TMCO1: variants seen among roughly 807,000 people sequenced by gnomAD.
The protein encoded by TMCO1 is transmembrane and coiled-coil domains 1.
TMCO1 carries 29 observed loss-of-function variants against 29.3 expected under a neutral mutation model. The ratio of observed to expected loss-of-function variants is 0.99; its 90% CI spans 0.74 to 1.35. TMCO1 has a LOEUF of 1.35. Among genes scored for constraint, TMCO1 ranks in the 40% most tolerant of loss-of-function variants. The pLI is 0.00. For missense variants in TMCO1, 173 were observed against 225.5 expected (o/e 0.77, Z 1.49); for synonymous variants, 80 against 77.1 (o/e 1.04, Z -0.20).
intron 2 of TMCO1, 117 bp from the exon 3 acceptor site, chr1:165,759,701 AT>A: frequency 1.2e-6 from 1 of 807,776 alleles, no homozygotes; most frequent in Non-Finnish European, 2.1e-6. Context: ...ACACTGACTG[AT>A]TATGGTCATG....
downstream of TMCO1, chr1:165,725,539 T>G (rs1271786260): frequency 2.2e-6 from 1 of 454,000 alleles, no homozygotes; most frequent in Non-Finnish European, 4.4e-6. Context: ...ATGCAGATAT[T>G]AGTAATGGCT....
At position 165,728,419 on chromosome 1, in the gene TMCO1, G is replaced by A. The variant is rs143342738; in HGVS notation, c.469-298C>T. Among the ~76,000 whole-genome samples, 184 of 152,014 alleles carry A rather than the reference G, an allele frequency of 1.2e-3. 1 individual carries two copies. Among genetic ancestry groups the A allele is most frequent in the African/African-American group, 4.2e-3 (174 of 41,458 alleles). On this transcript the variant is annotated intron_variant, in intron 6 of 6. Coordinates refer to ENST00000367881, the MANE Select transcript of TMCO1 (RefSeq NM_019026.6). The stretch of plus-strand genomic sequence containing the variant: ...CTACAGGTGCCCGCCACCACACCCG[G>A]CTAATTTTCTGTATATTTAGTAGAG...
At chr1:165,743,889 C>A (rs1173069322) in intron 5 of TMCO1, among the ~76,000 whole-genome samples, 1 of 147,286 alleles carries the variant, frequency 6.8e-6, no homozygotes, top group African/African-American at 2.5e-5. Context: ...GAGATGGAGT[C>A]TCGCTCTGTC....
chr1:165,756,346 C>T (rs1652191939), intron 3 of TMCO1, among the ~76,000 whole-genome samples: 3 of 152,052 alleles, frequency 2.0e-5, no homozygotes, highest in Admixed American at 2.0e-4. Context: ...GATCCCTGTC[C>T]AGCTTTTTCT....
At chr1:165,732,785 G>A (rs1022180279) in intron 6 of TMCO1, among the ~76,000 whole-genome samples, 7 of 151,992 alleles carry the variant, frequency 4.6e-5, no homozygotes, top group African/African-American at 1.7e-4. Flanking sequence ...AAAAAATAAG[G>A]TCTATAAAAG....
At chr1:165,726,240 T>TA, downstream of TMCO1, 1 of 699,654 alleles carries the variant, frequency 1.4e-6, no homozygotes, top group Non-Finnish European at 2.6e-6. Flanking sequence ...TACCATCCAT[T>TA]ATCAGACATC....
chr1:165,752,252 A>ATTTT (rs773982057), intron 4 of TMCO1, 83 bp from the exon 5 acceptor site: 35 of 428,074 alleles, frequency 8.2e-5, no homozygotes, highest in Middle Eastern at 5.9e-4. Context: ...GTTTCATGTC[A>ATTTT]TTTTTTTTTT....
intron 2 of TMCO1, among the ~76,000 whole-genome samples, chr1:165,764,570 A>G (rs1652504595): frequency 6.6e-6 from 1 of 152,168 alleles, no homozygotes; most frequent in Admixed American, 6.5e-5. Context: ...AGGTAGGAGG[A>G]ACAACAGATA....
At chr1:165,737,504 C>A (rs1651434782) in intron 6 of TMCO1, among the ~76,000 whole-genome samples, 1 of 152,068 alleles carries the variant, frequency 6.6e-6, no homozygotes, top group South Asian at 2.1e-4. Flanking sequence ...TTAATGAAAA[C>A]CATAAGTCCT....
downstream of TMCO1, chr1:165,726,632 T>C (rs1181498703): frequency 2.2e-6 from 1 of 455,208 alleles, no homozygotes; most frequent in Non-Finnish European, 4.4e-6. Flanking sequence ...CTTGGGATAA[T>C]CCTTAAATTA....
intron 2 of TMCO1, among the ~76,000 whole-genome samples, chr1:165,766,356 T>G (rs903536692): frequency 2.0e-5 from 3 of 152,142 alleles, no homozygotes; most frequent in Non-Finnish European, 4.4e-5. Context: ...GCCACAGACA[T>G]AAATTTGGGA....
rs766948013 is a variant in TMCO1, at chr1:165,726,921, A to T, written c.*1102T>A. 2.2e-6 allele frequency: 1 copy of T among 454,090 alleles called. No individual in the cohort carries two copies. The highest frequency in any genetic ancestry group is 1.6e-5 in the South Asian group (1 of 64,472). The allele number at this position is 454,090 out of a possible 1,614,324, so 28.1% of individuals were successfully genotyped here. ...GTCTTCTGGACTTTATGGTGCTGAT[A>T]AGAAAGAAGTTTGCTGTTGGTTTAA... is the stretch of plus-strand genomic sequence containing the variant. On this transcript the variant is annotated 3_prime_UTR_variant, in exon 7 of 7. Transcript: ENST00000367881.
At chr1:165,739,010 C>T (rs1651487859) in intron 6 of TMCO1, among the ~76,000 whole-genome samples, 1 of 152,268 alleles carries the variant, frequency 6.6e-6, no homozygotes, top group Non-Finnish European at 1.5e-5. Flanking sequence ...CCTCACTAGA[C>T]ACTGAATTTG....
In TMCO1 at chr1:165,727,860, G is replaced by T; in HGVS notation, c.*163C>A. ...GACCAAAAGCACTATCAAGTTTGCT[G>T]GCTGCCATTTTCACTCTAATCATAC... is the stretch of plus-strand genomic sequence containing the variant. On this transcript the variant is annotated 3_prime_UTR_variant, in exon 7 of 7. Transcript: ENST00000367881. 1.7e-6 allele frequency: 1 copy of T among 571,540 alleles called. No homozygotes were observed. The allele number at this position is 571,540 out of a possible 1,614,324, so 35.4% of individuals were successfully genotyped here.
intron 5 of TMCO1, among the ~76,000 whole-genome samples, chr1:165,749,316 C>T (rs1005317753): frequency 6.6e-6 from 1 of 151,762 alleles, no homozygotes; most frequent in Non-Finnish European, 1.5e-5. Flanking sequence ...GTATATGATT[C>T]TGATGCACAT....
intron 1 of TMCO1, 64 bp downstream of exon 1, chr1:165,768,618 C>T: frequency 6.2e-7 from 1 of 1,612,792 alleles, no homozygotes; most frequent in Non-Finnish European, 8.5e-7. Context: ...CCTGGTGGCA[C>T]AGGGGACCCC....
chr1:165,757,019 A>T (rs1652215371), intron 3 of TMCO1, among the ~76,000 whole-genome samples: 1 of 152,158 alleles, frequency 6.6e-6, no homozygotes, highest in Admixed American at 6.5e-5. Flanking sequence ...ATTTTCTTGC[A>T]TGAGAATGAG....
At chr1:165,740,542 A>G (rs1651557582) in intron 6 of TMCO1, among the ~76,000 whole-genome samples, 1 of 152,180 alleles carries the variant, frequency 6.6e-6, no homozygotes. Context: ...AACCCAAGCC[A>G]CAATTTTAAA....
downstream of TMCO1, chr1:165,726,117 C>T: frequency 1.4e-6 from 1 of 696,326 alleles, no homozygotes; most frequent in Non-Finnish European, 2.6e-6. Flanking sequence ...TTATTTTAGC[C>T]ATTTCATATT....
Sources: gnomAD v4.1 joint callset for allele counts (sites outside exome capture counted in the v4.1 genomes callset) on GRCh38, gnomAD v4.1.1 for gene constraint, MANE v1.5 for transcripts, NCBI Gene and HGNC (gene_info 2026-07-23, HGNC 2026-07-21) for gene names.